Variants in SLC19A3 observed in about 807,000 individuals in gnomAD.
SLC19A3 encodes thiamine transporter 2.
In SLC19A3, 31 loss-of-function variants were observed where a neutral mutation model predicts 40.2. The ratio of observed to expected loss-of-function variants is 0.77; its 90% CI spans 0.58 to 1.04. SLC19A3 has a LOEUF of 1.04. Ranked by LOEUF, SLC19A3 falls within the 50% of genes least tolerant of loss-of-function variation. The probability of loss-of-function intolerance (pLI) is 0.00; values close to 1 mark genes in which losing one functional copy is unlikely to be tolerated. For synonymous variants in SLC19A3, 212 were observed against 227.5 expected (o/e 0.93, Z 0.61); for missense variants, 592 against 596.7 (o/e 0.99, Z 0.08).
At chr2:227,710,083 G>A (rs961371226) in intron 1 of SLC19A3, among the ~76,000 whole-genome samples, 2 of 152,174 alleles carry the variant, frequency 1.3e-5, no homozygotes, top group African/African-American at 4.8e-5. Context: ...ATCTAATGCC[G>A]CCACTGATCT....
chr2:227,697,271 G>A (rs111605745), intron 3 of SLC19A3, among the ~76,000 whole-genome samples: 80 of 152,228 alleles, frequency 5.3e-4, no homozygotes, highest in African/African-American at 1.9e-3. Context: ...TTCCCAAAAG[G>A]GAGATAATAA....
At chr2:227,708,819 AT>A (rs1016670296) in intron 1 of SLC19A3, among the ~76,000 whole-genome samples, 33 of 152,122 alleles carry the variant, frequency 2.2e-4, no homozygotes, top group South Asian at 6.2e-4. Flanking sequence ...ACAAAAAAAA[AT>A]TACTTCATTG....
chr2:227,707,155 C>T (rs1695975513), intron 1 of SLC19A3, among the ~76,000 whole-genome samples: 1 of 152,202 alleles, frequency 6.6e-6, no homozygotes, highest in African/African-American at 2.4e-5. Context: ...TGGCCACAGA[C>T]ACTGTGGGGA....
chr2:227,717,387 C>T (rs774620211), intron 1 of SLC19A3, among the ~76,000 whole-genome samples: 1 of 152,186 alleles, frequency 6.6e-6, no homozygotes, highest in Non-Finnish European at 1.5e-5. Context: ...ACATTTGCGG[C>T]AGCGACATTG....
intron 1 of SLC19A3, among the ~76,000 whole-genome samples, chr2:227,713,652 T>C (rs973874425): frequency 6.6e-6 from 1 of 152,006 alleles, no homozygotes; most frequent in African/African-American, 2.4e-5. Flanking sequence ...TAGAAAGAAG[T>C]GCCCCCTAAA....
chr2:227,713,118 T>A (rs568085099), intron 1 of SLC19A3, among the ~76,000 whole-genome samples: 2 of 152,186 alleles, frequency 1.3e-5, no homozygotes, highest in African/African-American at 4.8e-5. Flanking sequence ...TAAATCTTAA[T>A]CCCAGGCTGG....
intron 5 of SLC19A3, 98 bp from the exon 6 acceptor site, chr2:227,687,671 A>T: frequency 7.8e-7 from 1 of 1,285,694 alleles, no homozygotes; most frequent in Non-Finnish European, 1.1e-6. Flanking sequence ...TTATGGGGTA[A>T]CTGAGACCCA....
chr2:227,714,676 G>A, intron 1 of SLC19A3: 2 of 690,320 alleles, frequency 2.9e-6, no homozygotes, highest in Non-Finnish European at 3.5e-6. Flanking sequence ...ACCCTCTTCT[G>A]CAGCCGATGA....
chr2:227,692,054 T>C (rs191622543), intron 4 of SLC19A3, among the ~76,000 whole-genome samples: 21 of 152,196 alleles, frequency 1.4e-4, no homozygotes, highest in Non-Finnish European at 2.9e-4. Flanking sequence ...AGACCAATAA[T>C]AAGTAATAAG....
At chr2:227,690,443 C>T (rs1310471088) in intron 4 of SLC19A3, among the ~76,000 whole-genome samples, 1 of 152,018 alleles carries the variant, frequency 6.6e-6, no homozygotes, top group Admixed American at 6.6e-5. Context: ...CGCGGTGGCT[C>T]ATGCCTGTAA....
intron 1 of SLC19A3, among the ~76,000 whole-genome samples, chr2:227,716,168 G>T (rs1328698986): frequency 5.3e-5 from 8 of 152,120 alleles, no homozygotes; most frequent in Middle Eastern, 3.2e-3. Context: ...TGATGGCAAT[G>T]TTAAGTAATT....
chr2:227,699,703 A>T, intron 2 of SLC19A3, 139 bp from the exon 3 acceptor site: 1 of 797,460 alleles, frequency 1.3e-6, no homozygotes, highest in Non-Finnish European at 2.1e-6. Flanking sequence ...ATTTTCAAGG[A>T]AATCACAAGA....
intron 4 of SLC19A3, among the ~76,000 whole-genome samples, chr2:227,689,042 G>T (rs1006904665): frequency 2.0e-5 from 3 of 152,022 alleles, no homozygotes; most frequent in Non-Finnish European, 4.4e-5. Flanking sequence ...GAAATAATTA[G>T]CAAGCTTGAA....
rs535321353 is a variant in SLC19A3 at position 227,703,169 on chromosome 2, C to A, written c.-2-849G>T. Reference sequence around the variant, plus strand: ...ATGACAACCACAGTGAGGGAAAAAACGTGTATTTATAAACACATTCACACT... The same window carrying A: ...ATGACAACCACAGTGAGGGAAAAAAAGTGTATTTATAAACACATTCACACT... On this transcript the variant is annotated intron_variant, in intron 1 of 5. Coordinates refer to ENST00000644224, the MANE Select transcript of SLC19A3 (RefSeq NM_025243.4). This position sits in a 1 kb window ranked among gnomAD's most constrained non-coding sequence, Gnocchi z 4.7. Among the ~76,000 whole-genome samples the A allele has an allele frequency of 6.6e-6, 1 of 152,172 alleles. No individual in the cohort carries two copies. Among genetic ancestry groups the A allele is most frequent in the Admixed American group, 6.5e-5 (1 of 15,276 alleles).
At chr2:227,692,642 C>T (rs995563635) in intron 4 of SLC19A3, among the ~76,000 whole-genome samples, 1 of 152,162 alleles carries the variant, frequency 6.6e-6, no homozygotes, top group African/African-American at 2.4e-5. Flanking sequence ...AGATTTGGAA[C>T]ACGACAAGGA....
At chr2:227,698,589 A>C (rs1695533433) in intron 3 of SLC19A3, 147 bp downstream of exon 3, 2 of 778,314 alleles carry the variant, frequency 2.6e-6, no homozygotes, top group Non-Finnish European at 4.5e-6. Flanking sequence ...ATAAGCCACC[A>C]TGCCCGGCCG....
chr2:227,693,739 G>A (rs934391762), intron 4 of SLC19A3, among the ~76,000 whole-genome samples: 2 of 152,028 alleles, frequency 1.3e-5, no homozygotes, highest in African/African-American at 4.8e-5. Flanking sequence ...GGACAAACGG[G>A]ATCACATCAA....
intron 4 of SLC19A3, among the ~76,000 whole-genome samples, chr2:227,688,692 A>G (rs938868772): frequency 6.6e-6 from 1 of 152,196 alleles, no homozygotes; most frequent in Non-Finnish European, 1.5e-5. Context: ...AAAGACTACA[A>G]TAAATACAAC....
rs990786765 is a variant in SLC19A3 at position 227,702,428 on chromosome 2, C to G, written c.-2-108G>C. The G allele has an allele frequency of 7.9e-6, 9 of 1,132,424 alleles. No individual in the cohort carries two copies. The East Asian group carries it at 1.5e-4, about 19-fold the overall frequency. 70.1% of individuals were successfully genotyped at this position (1,132,424 alleles called of 1,614,324 possible). A position where few individuals can be genotyped will look rare whatever the true frequency, so the allele number is the denominator to read the frequency against. On this transcript the variant is annotated intron_variant, in intron 1 of 5. Coordinates refer to ENST00000644224, the MANE Select transcript of SLC19A3 (RefSeq NM_025243.4). ...TTTTTTTTTGAGATGGAGGGTCGCT[C>G]TGTTGTCCAGGCTGAAGTGCAGTGG...
Sources: gnomAD v4.1 joint callset for allele counts (sites outside exome capture counted in the v4.1 genomes callset) on GRCh38, gnomAD v4.1.1 for gene constraint, Gnocchi (gnomAD v3.1) non-coding constraint, MANE v1.5 for transcripts, NCBI Gene and HGNC (gene_info 2026-07-23, HGNC 2026-07-21) for gene names.